OSTM1: variants seen among roughly 807,000 people sequenced by gnomAD.
OSTM1 encodes the protein osteopetrosis-associated transmembrane protein 1.
A neutral mutation model predicts 35.4 loss-of-function variants in OSTM1; 26 were observed. That is an observed-to-expected ratio of 0.73 (90% CI 0.54 to 1.02). The LOEUF is 1.02. OSTM1 is among the 50% of genes least tolerant of loss of function. The probability of loss-of-function intolerance (pLI) is 0.00; values close to 1 mark genes in which losing one functional copy is unlikely to be tolerated. For missense variants in OSTM1, 366 were observed against 409.6 expected (o/e 0.89, Z 0.92); for synonymous variants, 181 against 165.0 (o/e 1.10, Z -0.75).
intron 2 of OSTM1, among the ~76,000 whole-genome samples, chr6:108,061,648 C>T (rs1157934857): frequency 6.6e-6 from 1 of 152,076 alleles, no homozygotes; most frequent in Non-Finnish European, 1.5e-5. Context: ...ACCTCAGCCT[C>T]CCAGGCAGCT....
At chr6:108,050,356 G>GTTT (rs1562370453) in intron 4 of OSTM1, among the ~76,000 whole-genome samples, 9 of 122,432 alleles carry the variant, frequency 7.4e-5, no homozygotes, top group African/African-American at 1.3e-4. Context: ...ATCCAGAAAC[G>GTTT]TCTTTTTTTT....
intron 5 of OSTM1, among the ~76,000 whole-genome samples, chr6:108,046,689 C>T (rs1771981483): frequency 6.6e-6 from 1 of 152,132 alleles, no homozygotes; most frequent in African/African-American, 2.4e-5. Context: ...CACAACATGA[C>T]TTCCTGGACG....
At chr6:108,056,635 G>C (rs1772173866) in intron 2 of OSTM1, among the ~76,000 whole-genome samples, 1 of 152,120 alleles carries the variant, frequency 6.6e-6, no homozygotes, top group Non-Finnish European at 1.5e-5. Flanking sequence ...ATTACAAAAG[G>C]TCATTCCTGC....
At chr6:108,070,491 CTT>C (rs1013846059) in intron 1 of OSTM1, among the ~76,000 whole-genome samples, 17 of 152,220 alleles carry the variant, frequency 1.1e-4, no homozygotes, top group Admixed American at 5.9e-4. Context: ...GAATCTTACC[CTT>C]CTTTTCCTTC....
chr6:108,046,820 T>C (rs1478586367), intron 5 of OSTM1, among the ~76,000 whole-genome samples: 1 of 152,238 alleles, frequency 6.6e-6, no homozygotes, highest in African/African-American at 2.4e-5. Flanking sequence ...TAGTTTGGGT[T>C]TTTGAGAATT....
At chr6:108,060,308 A>C (rs1772250998) in intron 2 of OSTM1, among the ~76,000 whole-genome samples, 1 of 152,222 alleles carries the variant, frequency 6.6e-6, no homozygotes, top group Admixed American at 6.5e-5. Context: ...AAATACCCTA[A>C]GAATTTATTC....
At position 108,042,655 on chromosome 6, in the gene OSTM1, A is replaced by G. The variant is rs1036067030; in HGVS notation, c.*2130T>C. ...GGTCTCGAACTCATAAGCTCCAGCG[A>G]TCTGCTTCAGCCTCCCAAAGTGCTG... On this transcript the variant is annotated 3_prime_UTR_variant, in exon 6 of 6. Transcript: ENST00000193322. 1 of 152,102 alleles carries G rather than the reference A, an allele frequency of 6.6e-6. No homozygotes were observed. The highest frequency in any genetic ancestry group is 1.5e-5 in the Non-Finnish European group (1 of 68,018). The allele number at this position is 152,102 out of a possible 1,614,324, so 9.4% of individuals were successfully genotyped here. A position where few individuals can be genotyped will look rare whatever the true frequency, so the allele number is the denominator to read the frequency against.
chr6:108,048,368 C>T (rs1413643722), intron 5 of OSTM1, among the ~76,000 whole-genome samples: 1 of 152,190 alleles, frequency 6.6e-6, no homozygotes, highest in Non-Finnish European at 1.5e-5. Flanking sequence ...AAGAAAGCCA[C>T]GTGACTTAGA....
In OSTM1 at chr6:108,044,007, A is replaced by G. The variant is rs756978751; in HGVS notation, c.*778T>C. The G allele has an allele frequency of 6.5e-5, 10 of 152,682 alleles. No homozygotes were observed. The highest frequency in any genetic ancestry group is 1.3e-4 in the Non-Finnish European group (9 of 68,044). 9.5% of individuals were successfully genotyped at this position (152,682 alleles called of 1,614,324 possible). A position where few individuals can be genotyped will look rare whatever the true frequency, so the allele number is the denominator to read the frequency against. On this transcript the variant is annotated 3_prime_UTR_variant, in exon 6 of 6. Transcript: ENST00000193322. ...GATTTAAAGTAGTAATAAATTATAA[A>G]TTGCCAAATAACTTAATGTAATTCA... is the stretch of plus-strand genomic sequence containing the variant.
chr6:108,052,205 T>A (rs563661567), intron 3 of OSTM1, among the ~76,000 whole-genome samples: 1 of 151,976 alleles, frequency 6.6e-6, no homozygotes, highest in African/African-American at 2.4e-5. Context: ...GAGGCCGAGG[T>A]GGGCGGATCA....
At position 108,042,414 on chromosome 6, in the gene OSTM1, C is replaced by CTTTTTTT. The variant is rs58798743; in HGVS notation, c.*2364_*2370dup. 1.1e-3 allele frequency: 139 copies of CTTTTTTT among 129,250 alleles called. No individual in the cohort carries two copies. Among genetic ancestry groups the CTTTTTTT allele is most frequent in the Non-Finnish European group, 1.6e-3 (98 of 61,432 alleles). The allele number at this position is 129,250 out of a possible 1,614,324, so 8.0% of individuals were successfully genotyped here. A position where few individuals can be genotyped will look rare whatever the true frequency, so the allele number is the denominator to read the frequency against. On this transcript the variant is annotated 3_prime_UTR_variant, in exon 6 of 6. Coordinates refer to ENST00000193322, the MANE Select transcript of OSTM1 (RefSeq NM_014028.4). ...TAAGACAGACAGTACTTTCTTTTTT[C>CTTTTTTT]TTTTTTTTTTTTTTTTTTTGAGACA...
intron 1 of OSTM1, among the ~76,000 whole-genome samples, chr6:108,067,084 T>C (rs1344962214): frequency 6.6e-6 from 1 of 152,194 alleles, no homozygotes; most frequent in African/African-American, 2.4e-5. Flanking sequence ...AGTAAATCCA[T>C]AATCCCAAAC....
In OSTM1 at chr6:108,052,416, G is replaced by C. The variant is rs557378611; in HGVS notation, c.616-1218C>G. Among the ~76,000 whole-genome samples the C allele has an allele frequency of 9.9e-5, 14 of 141,640 alleles. No homozygotes were observed. In the South Asian group the frequency reaches 2.9e-3, roughly 29 times the overall value. The allele number at this position is 141,640 out of a possible 152,430, so 92.9% of individuals were successfully genotyped here. On this transcript the variant is annotated intron_variant, in intron 3 of 5. Coordinates refer to ENST00000193322, the MANE Select transcript of OSTM1 (RefSeq NM_014028.4). ...CCACTGCACTCTAGCCCGGGTGACA[G>C]AGCGAGACTCCGTCTCAAAAAAAAA...
intron 1 of OSTM1, among the ~76,000 whole-genome samples, chr6:108,072,360 G>C (rs1772499557): frequency 6.6e-6 from 1 of 152,170 alleles, no homozygotes; most frequent in Non-Finnish European, 1.5e-5. Flanking sequence ...TTGGCCAGGT[G>C]TGGTGGCTCA....
rs1197096279 is a variant in OSTM1 at position 108,059,871 on chromosome 6, G to A, written c.517+4314C>T. On this transcript the variant is annotated intron_variant, in intron 2 of 5. Coordinates refer to ENST00000193322, the MANE Select transcript of OSTM1 (RefSeq NM_014028.4). ...GATGAATGATGATAATTTTTAATGC[G>A]TAATTCTGGAAAATGAAATAGCTAA... Among the ~76,000 whole-genome samples, 4 of 152,094 alleles carry A rather than the reference G, an allele frequency of 2.6e-5. 1 individual carries two copies. Among genetic ancestry groups the A allele is most frequent in the South Asian group, 4.1e-4 (2 of 4,834 alleles).
intron 1 of OSTM1, among the ~76,000 whole-genome samples, chr6:108,071,187 C>CA (rs540297028): frequency 0.035 from 4,975 of 141,872 alleles, 263 homozygotes; most frequent in African/African-American, 0.12. Flanking sequence ...GACTCTGTCT[C>CA]AAAAAAAAAA....
At chr6:108,055,349 C>T (rs142601035) in intron 2 of OSTM1, among the ~76,000 whole-genome samples, 2,941 of 151,372 alleles carry the variant, frequency 0.019, 39 homozygotes, top group Non-Finnish European at 0.032. Flanking sequence ...GGGTCTTGCT[C>T]GGTTGCCCAG....
At position 108,042,521 on chromosome 6, in the gene OSTM1, T is replaced by TCC. The variant is rs1582383234; in HGVS notation, c.*2262_*2263dup. On this transcript the variant is annotated 3_prime_UTR_variant, in exon 6 of 6. Coordinates refer to ENST00000193322, the MANE Select transcript of OSTM1 (RefSeq NM_014028.4). ...ACCTCCACCTCCCGGGCTCAAGACA[T>TCC]CCTCCCATCTCAGCCTCCCAAGTAG... The TCC allele has an allele frequency of 1.3e-5, 2 of 149,472 alleles. No homozygotes were observed. Among genetic ancestry groups the TCC allele is most frequent in the Non-Finnish European group, 1.5e-5 (1 of 67,660 alleles). 9.3% of individuals were successfully genotyped at this position (149,472 alleles called of 1,614,324 possible).
chr6:108,074,214 C>A (rs1293728264), intron 1 of OSTM1, 36 bp downstream of exon 1: 5 of 1,606,702 alleles, frequency 3.1e-6, no homozygotes, highest in Non-Finnish European at 4.2e-6. Context: ...TCCCAACTCT[C>A]CTGAGCCACA....
Sources: gnomAD v4.1 joint callset for allele counts (sites outside exome capture counted in the v4.1 genomes callset) on GRCh38, gnomAD v4.1.1 for gene constraint, MANE v1.5 for transcripts, NCBI Gene and HGNC (gene_info 2026-07-23, HGNC 2026-07-21) for gene names.